The following MSI2 variants were observed in gnomAD, a reference collection of about 807,000 sequenced individuals.
MSI2 encodes RNA-binding protein Musashi homolog 2.
A neutral mutation model predicts 45.6 loss-of-function variants in MSI2; 17 were observed. That is an observed-to-expected ratio of 0.37 (90% confidence interval 0.26 to 0.56). MSI2 has a LOEUF of 0.56. Ranked by LOEUF, MSI2 falls within the 20% of genes least tolerant of loss-of-function variation. The pLI, the probability that MSI2 is intolerant of heterozygous loss-of-function variation, is 0.77. For missense variants in MSI2, 293 were observed against 444.2 expected, an observed-to-expected ratio of 0.66 and a Z score of 3.06; for synonymous variants, 156 against 158.2, an observed-to-expected ratio of 0.99 and a Z score of 0.11.
intron 7 of MSI2, among the ~76,000 whole-genome samples, chr17:57,586,256 C>T (rs574593664): frequency 7.2e-5 from 11 of 152,296 alleles, no homozygotes; most frequent in African/African-American, 2.6e-4. Context: ...ATGAGACACC[C>T]TTTCCCTGCA....
At chr17:57,650,040 C>T (rs1452631494) in intron 10 of MSI2, among the ~76,000 whole-genome samples, 2 of 152,198 alleles carry the variant, frequency 1.3e-5, no homozygotes, top group Admixed American at 1.3e-4. Context: ...GTCTGATGCT[C>T]CACCTCCAGC....
At chr17:57,676,894 G>T in intron 12 of MSI2, 93 bp from the exon 13 acceptor site, 1 of 858,198 alleles carries the variant, frequency 1.2e-6, no homozygotes, top group South Asian at 1.3e-5. Flanking sequence ...GGCAACCACA[G>T]AACTAGTCCT....
At chr17:57,632,608 AG>A in intron 10 of MSI2, 1 of 1,066,086 alleles carries the variant, frequency 9.4e-7, no homozygotes, top group African/African-American at 1.6e-5. Flanking sequence ...CATCCTGATC[AG>A]GCCCCATCTC....
At chr17:57,338,347 C>T (rs182917289) in intron 5 of MSI2, among the ~76,000 whole-genome samples, 1 of 152,172 alleles carries the variant, frequency 6.6e-6, no homozygotes, top group Non-Finnish European at 1.5e-5. Flanking sequence ...ACCTTGGCCC[C>T]CCGAAGTGCT....
At chr17:57,427,600 G>C (rs886979064) in intron 6 of MSI2, among the ~76,000 whole-genome samples, 5 of 152,054 alleles carry the variant, frequency 3.3e-5, no homozygotes, top group Non-Finnish European at 5.9e-5. Flanking sequence ...GGCCACGTAC[G>C]TAAAGTGTCA....
intron 6 of MSI2, among the ~76,000 whole-genome samples, chr17:57,502,636 T>TATATAGAGAGAGAG: frequency 4.1e-5 from 4 of 96,934 alleles, no homozygotes; most frequent in Non-Finnish European, 6.4e-5. Flanking sequence ...TATATATATA[T>TATATAGAGAGAGAG]AGTCATCATT....
At chr17:57,576,325 A>G (rs944237333) in intron 7 of MSI2, among the ~76,000 whole-genome samples, 3 of 152,102 alleles carry the variant, frequency 2.0e-5, no homozygotes, top group Non-Finnish European at 4.4e-5. Flanking sequence ...GCTGGATCCT[A>G]CTCTCCATTG....
chr17:57,621,989 GGAGTTA>G (rs1328815173), intron 9 of MSI2, among the ~76,000 whole-genome samples: 79 of 152,324 alleles, frequency 5.2e-4, no homozygotes, highest in African/African-American at 1.9e-3. Context: ...CCTGAGGTCA[GGAGTTA>G]GAGACTAGCC....
intron 7 of MSI2, among the ~76,000 whole-genome samples, chr17:57,578,744 CA>C (rs1406447491): frequency 6.6e-6 from 1 of 152,052 alleles, no homozygotes; most frequent in Non-Finnish European, 1.5e-5. Context: ...CTACTTGGCG[CA>C]AAACCAATTC....
At chr17:57,315,282 G>A (rs1220836886) in intron 5 of MSI2, among the ~76,000 whole-genome samples, 1 of 152,134 alleles carries the variant, frequency 6.6e-6, no homozygotes, top group Non-Finnish European at 1.5e-5. Context: ...CAGGTCAGGC[G>A]AGTAAAGGAG....
chr17:57,560,461 T>A (rs1048709434), intron 7 of MSI2, among the ~76,000 whole-genome samples: 12 of 152,150 alleles, frequency 7.9e-5, no homozygotes, highest in African/African-American at 2.9e-4. Flanking sequence ...AAAACTCTTC[T>A]CTCTGCTACT....
At chr17:57,433,718 G>A (rs148667312) in intron 6 of MSI2, among the ~76,000 whole-genome samples, 4 of 152,134 alleles carry the variant, frequency 2.6e-5, no homozygotes, top group Admixed American at 6.5e-5. Context: ...GCGGACCCTC[G>A]CTTTGTTAAT....
chr17:57,463,485 C>G (rs968625070), intron 6 of MSI2, among the ~76,000 whole-genome samples: 6 of 152,164 alleles, frequency 3.9e-5, no homozygotes, highest in Non-Finnish European at 8.8e-5. Context: ...TGTCCAGGCC[C>G]TAGTCACCCA....
At chr17:57,433,699 T>A (rs548801937) in intron 6 of MSI2, among the ~76,000 whole-genome samples, 1 of 152,304 alleles carries the variant, frequency 6.6e-6, no homozygotes, top group Admixed American at 6.5e-5. Context: ...CCTCCCAGAC[T>A]TCCCTAATGC....
At chr17:57,265,638 G>C (rs1907700590) in intron 5 of MSI2, 1 of 152,170 alleles carries the variant, frequency 6.6e-6, no homozygotes. Context: ...GAAGTAGAGT[G>C]GGGAGACGCT....
At chr17:57,650,343 C>A (rs1911039741) in intron 10 of MSI2, among the ~76,000 whole-genome samples, 1 of 152,242 alleles carries the variant, frequency 6.6e-6, no homozygotes, top group Non-Finnish European at 1.5e-5. Flanking sequence ...TTGCTCTTAA[C>A]AGCAGCAGAA....
intron 7 of MSI2, among the ~76,000 whole-genome samples, chr17:57,551,236 A>G (rs1247876475): frequency 6.6e-6 from 1 of 152,094 alleles, no homozygotes; most frequent in African/African-American, 2.4e-5. Context: ...GAGCAATATT[A>G]TGTCTCAGAC....
intron 6 of MSI2, among the ~76,000 whole-genome samples, chr17:57,460,813 T>C (rs1272042363): frequency 6.6e-6 from 1 of 151,992 alleles, no homozygotes; most frequent in Non-Finnish European, 1.5e-5. Context: ...AGAGGAGCTT[T>C]CTAGGCAGAA....
chr17:57,563,717 CTCTT>C (rs1232722082), intron 7 of MSI2, among the ~76,000 whole-genome samples: 83 of 147,748 alleles, frequency 5.6e-4, no homozygotes, highest in African/African-American at 1.9e-3. Flanking sequence ...GTCTCTCTCT[CTCTT>C]TCCCTCTCAC....
Sources: allele counts gnomAD v4.1 joint callset (sites outside exome capture counted in the v4.1 genomes callset), GRCh38; gene constraint gnomAD v4.1.1; transcripts MANE v1.5; gene names NCBI Gene and HGNC (gene_info 2026-07-23, HGNC 2026-07-21).